Variants in TMEM266 observed in about 807,000 individuals in gnomAD.
The protein encoded by TMEM266 is transmembrane protein 266.
In TMEM266, 33 loss-of-function variants were observed where a neutral mutation model predicts 50.5. The observed-to-expected ratio is 0.65, with a 90% CI of 0.50 to 0.87. The LOEUF is 0.87. TMEM266 is among the 40% of genes least tolerant of loss of function. The probability of loss-of-function intolerance (pLI) is 0.00; values close to 1 mark genes in which losing one functional copy is unlikely to be tolerated. For synonymous variants in TMEM266, 310 were observed against 292.3 expected, an observed-to-expected ratio of 1.06 and a Z score of -0.62; for missense variants, 655 against 695.1, an observed-to-expected ratio of 0.94 and a Z score of 0.65.
intron 1 of TMEM266, among the ~76,000 whole-genome samples, chr15:76,073,738 T>A (rs2036568977): frequency 6.6e-6 from 1 of 152,220 alleles, no homozygotes; most frequent in Admixed American, 6.5e-5. Context: ...TTGGTCTGTG[T>A]CAAAAGACAC....
intron 9 of TMEM266, among the ~76,000 whole-genome samples, chr15:76,195,154 G>C (rs2038635680): frequency 6.6e-6 from 1 of 152,146 alleles, no homozygotes; most frequent in Non-Finnish European, 1.5e-5. Flanking sequence ...TAAGCTCCCA[G>C]ATCTCCACAC....
intron 1 of TMEM266, among the ~76,000 whole-genome samples, chr15:76,129,980 T>C (rs1263118384): frequency 6.6e-6 from 1 of 151,730 alleles, no homozygotes; most frequent in Non-Finnish European, 1.5e-5. Context: ...TTTTAACACT[T>C]TGGGAGGCCA....
intron 1 of TMEM266, among the ~76,000 whole-genome samples, chr15:76,107,939 A>G (rs2037109332): frequency 6.6e-6 from 1 of 152,222 alleles, no homozygotes; most frequent in African/African-American, 2.4e-5. Flanking sequence ...GGAACATTTT[A>G]GCAGGCACCC....
intron 4 of TMEM266, among the ~76,000 whole-genome samples, chr15:76,157,831 T>A (rs1432068226): frequency 1.3e-5 from 2 of 151,824 alleles, no homozygotes; most frequent in Admixed American, 1.3e-4. Context: ...TACAAAAAAA[T>A]TTAAAAATTT....
intron 1 of TMEM266, among the ~76,000 whole-genome samples, chr15:76,119,574 C>T (rs554175904): frequency 1.3e-5 from 2 of 152,070 alleles, no homozygotes; most frequent in South Asian, 2.1e-4. Context: ...GGAGACCAGC[C>T]TGGCCAACAT....
At chr15:76,167,650 C>T (rs896501756) in intron 5 of TMEM266, among the ~76,000 whole-genome samples, 1 of 151,810 alleles carries the variant, frequency 6.6e-6, no homozygotes, top group Non-Finnish European at 1.5e-5. Flanking sequence ...TACAGGTGTG[C>T]ACCACCACAC....
At chr15:76,177,506 G>A (rs140022208) in intron 8 of TMEM266, among the ~76,000 whole-genome samples, 92 of 152,332 alleles carry the variant, frequency 6.0e-4, no homozygotes, top group South Asian at 1.0e-3. Context: ...TCATCCCCTC[G>A]GAATGTCTGT....
At chr15:76,083,661 C>T (rs2141993154) in intron 1 of TMEM266, among the ~76,000 whole-genome samples, 1 of 152,322 alleles carries the variant, frequency 6.6e-6, no homozygotes, top group Middle Eastern at 3.4e-3. Flanking sequence ...TTCCTTTCTT[C>T]AGAACAATTA....
intron 1 of TMEM266, among the ~76,000 whole-genome samples, chr15:76,060,354 A>G (rs900043701): frequency 2.8e-5 from 4 of 144,706 alleles, no homozygotes; most frequent in African/African-American, 1.0e-4. Context: ...AAAACATGCA[A>G]GCTGGAGGGG....
rs749473065 is a variant in TMEM266 at position 76,203,772 on chromosome 15, G to T, written c.1053G>T (p.Met351Ile). Residue 351 changes from methionine to isoleucine, a missense_variant, in exon 11 of 11, where the codon ATG becomes ATT. Coordinates refer to ENST00000388942, the MANE Select transcript of TMEM266 (RefSeq NM_152335.3). Reference sequence around the variant, plus strand: ...GTGTCCCAGAGCCAGCTGTGTGTATGGTCACCACGGCCGCAATAGACATTC... The same window carrying T: ...GTGTCCCAGAGCCAGCTGTGTGTATTGTCACCACGGCCGCAATAGACATTC... 84 of 1,614,066 alleles carry T rather than the reference G, an allele frequency of 5.2e-5. No homozygotes were observed. The highest frequency in any genetic ancestry group is 7.1e-5 in the Non-Finnish European group (84 of 1,179,950).
At chr15:76,191,854 C>T (rs2038576823) in intron 8 of TMEM266, 114 bp from the exon 9 acceptor site, 2 of 967,340 alleles carry the variant, frequency 2.1e-6, no homozygotes, top group Non-Finnish European at 1.4e-6. Context: ...GCGGGAGGCT[C>T]AGCCCAGTCC....
intron 1 of TMEM266, among the ~76,000 whole-genome samples, chr15:76,099,103 T>C (rs2036961700): frequency 6.6e-6 from 1 of 152,202 alleles, no homozygotes; most frequent in South Asian, 2.1e-4. Flanking sequence ...TCTATCTCAC[T>C]GTCGTTCCAG....
chr15:76,192,425 G>T (rs1247189470), intron 9 of TMEM266, among the ~76,000 whole-genome samples: 1 of 152,230 alleles, frequency 6.6e-6, no homozygotes. Flanking sequence ...TGCGTTGTGT[G>T]TGGTGTCTTC....
chr15:76,105,766 G>C (rs1248100937), intron 1 of TMEM266, among the ~76,000 whole-genome samples: 2 of 152,234 alleles, frequency 1.3e-5, no homozygotes, highest in African/African-American at 2.4e-5. Flanking sequence ...GCACCAGGCA[G>C]GGGCTCAGGA....
chr15:76,171,469 C>T (rs888930449), intron 7 of TMEM266, among the ~76,000 whole-genome samples: 1 of 152,182 alleles, frequency 6.6e-6, no homozygotes, highest in Non-Finnish European at 1.5e-5. Flanking sequence ...ACTTTTACAC[C>T]CTGGGCGTCT....
intron 1 of TMEM266, among the ~76,000 whole-genome samples, chr15:76,074,491 TATATA>T (rs2036578305): frequency 6.6e-6 from 1 of 152,216 alleles, no homozygotes; most frequent in East Asian, 1.9e-4. Flanking sequence ...AATTAATGCT[TATATA>T]ATATTTTATT....
chr15:76,084,528 C>A (rs2036742207), intron 1 of TMEM266, among the ~76,000 whole-genome samples: 1 of 151,722 alleles, frequency 6.6e-6, no homozygotes, highest in South Asian at 2.1e-4. Context: ...GGACACAGGT[C>A]ATGAAGGGCC....
intron 8 of TMEM266, among the ~76,000 whole-genome samples, chr15:76,176,726 G>A (rs2038288592): frequency 6.6e-6 from 1 of 152,216 alleles, no homozygotes; most frequent in South Asian, 2.1e-4. Flanking sequence ...GCCGCATATT[G>A]ATGTGGGCAC....
intron 9 of TMEM266, among the ~76,000 whole-genome samples, chr15:76,200,311 C>G (rs972091725): frequency 1.3e-5 from 2 of 152,176 alleles, no homozygotes; most frequent in Admixed American, 6.5e-5. Context: ...CGCTGTGACT[C>G]TGTCACCTCT....
Sources: allele counts gnomAD v4.1 joint callset (sites outside exome capture counted in the v4.1 genomes callset), GRCh38; gene constraint gnomAD v4.1.1; transcripts MANE v1.5; gene names NCBI Gene and HGNC (gene_info 2026-07-23, HGNC 2026-07-21).